The following KANSL2 variants were observed in gnomAD, a reference collection of about 807,000 sequenced individuals.
KANSL2 encodes the protein KAT8 regulatory NSL complex subunit 2, also known as NSL complex protein NSL2.
KANSL2 carries 34 observed loss-of-function variants against 55.6 expected under a neutral mutation model. The ratio of observed to expected loss-of-function variants is 0.61; its 90% CI spans 0.46 to 0.81. KANSL2 has a LOEUF of 0.81. Ranked by LOEUF, KANSL2 falls within the 40% of genes least tolerant of loss-of-function variation. The probability of loss-of-function intolerance (pLI) is 0.00; values close to 1 mark genes in which losing one functional copy is unlikely to be tolerated. For synonymous variants in KANSL2, 209 were observed against 214.3 expected (o/e 0.98, Z 0.22); for missense variants, 502 against 609.9 (o/e 0.82, Z 1.86).
At chr12:48,654,630 C>A in intron 9 of KANSL2, 1 of 519,902 alleles carries the variant, frequency 1.9e-6, no homozygotes, top group Non-Finnish European at 3.7e-6. Context: ...TATGATTTCC[C>A]TAGATTCCTT....
At chr12:48,664,577 C>CTTTTT (rs35805896) in intron 7 of KANSL2, among the ~76,000 whole-genome samples, 3 of 62,070 alleles carry the variant, frequency 4.8e-5, no homozygotes, top group Non-Finnish European at 9.0e-5. Flanking sequence ...CGCACCTGGC[C>CTTTTT]TTTTTTTTTT....
intron 4 of KANSL2, 60 bp from the exon 5 acceptor site, chr12:48,672,022 G>T (rs1365166011): frequency 7.1e-7 from 1 of 1,417,260 alleles, no homozygotes; most frequent in African/African-American, 1.4e-5. Context: ...ACCCAAGTTT[G>T]AAAGAGTAGA....
chr12:48,654,207 T>A (rs1382269029), intron 9 of KANSL2, 32 bp from the exon 10 acceptor site: 1 of 1,579,224 alleles, frequency 6.3e-7, no homozygotes, highest in Non-Finnish European at 8.6e-7. Flanking sequence ...CTTCAGTTAG[T>A]AATTCATTCA....
chr12:48,681,778 T>C (rs1592112057), intron 1 of KANSL2, 137 bp from the exon 2 acceptor site: 1 of 1,047,580 alleles, frequency 9.5e-7, no homozygotes, highest in Non-Finnish European at 1.4e-6. Flanking sequence ...CCCGCCGCCC[T>C]CCCCAAGTCT....
chr12:48,662,567 G>A (rs1035520686), intron 7 of KANSL2: 29 of 1,283,934 alleles, frequency 2.3e-5, no homozygotes, highest in African/African-American at 4.6e-5. Flanking sequence ...TACAACTAGA[G>A]TCTGGGTCCT....
At chr12:48,662,117 T>C (rs2137181209) in intron 7 of KANSL2, among the ~76,000 whole-genome samples, 1 of 152,300 alleles carries the variant, frequency 6.6e-6, no homozygotes, top group East Asian at 1.9e-4. Context: ...AACCAGAAAT[T>C]TTTTTTACAC....
chr12:48,669,019 G>C, intron 6 of KANSL2, 87 bp downstream of exon 6: 1 of 1,073,580 alleles, frequency 9.3e-7, no homozygotes, highest in Non-Finnish European at 1.3e-6. Context: ...ACTCCAGCCC[G>C]AGTGACAGTG....
At chr12:48,673,075 T>TA in intron 4 of KANSL2, among the ~76,000 whole-genome samples, 1 of 152,132 alleles carries the variant, frequency 6.6e-6, no homozygotes, top group East Asian at 1.9e-4. Context: ...TGTAATTGTT[T>TA]AAAAAATATA....
intron 7 of KANSL2, among the ~76,000 whole-genome samples, chr12:48,663,913 CTTTTTTT>C (rs34879709): frequency 8.9e-6 from 1 of 112,550 alleles, no homozygotes; most frequent in South Asian, 3.1e-4. Context: ...AACTATTAGC[CTTTTTTT>C]TTTTTTTTTT....
intron 1 of KANSL2, chr12:48,681,861 GCTGAATGTAT>G: frequency 1.4e-6 from 1 of 705,338 alleles, no homozygotes; most frequent in Non-Finnish European, 2.6e-6. Flanking sequence ...ACCACACCAC[GCTGAATGTAT>G]CTTCAGGACT....
intron 1 of KANSL2, 152 bp downstream of exon 1, chr12:48,682,034 TC>T: frequency 1.4e-6 from 1 of 702,936 alleles, no homozygotes; most frequent in Non-Finnish European, 2.6e-6. Context: ...GTCCTACGGC[TC>T]CAGTCACCGG....
intron 5 of KANSL2, 122 bp from the exon 6 acceptor site, chr12:48,669,394 C>T (rs2137191993): frequency 1.5e-6 from 1 of 671,720 alleles, no homozygotes; most frequent in East Asian, 2.8e-5. Flanking sequence ...GCAAATGACC[C>T]CCAATCCAGG....
chr12:48,661,052 A>G (rs1939477662), intron 7 of KANSL2: 1 of 198,654 alleles, frequency 5.0e-6, no homozygotes, highest in Non-Finnish European at 9.2e-6. Context: ...CAGACTGGCA[A>G]AGTTTGCAAC....
intron 2 of KANSL2, among the ~76,000 whole-genome samples, chr12:48,680,329 CTACA>C (rs1289289191): frequency 6.6e-6 from 1 of 152,038 alleles, no homozygotes; most frequent in Admixed American, 6.6e-5. Context: ...GTAGTGGGGA[CTACA>C]TGTCCACGCC....
chr12:48,682,170 G>C lies in KANSL2; in HGVS notation c.-10+17C>G, dbSNP rs1207908169. 1.4e-6 allele frequency: 1 copy of C among 697,288 alleles called. No homozygotes were observed. Among genetic ancestry groups the C allele is most frequent in the Non-Finnish European group, 2.6e-6 (1 of 381,900 alleles). The allele number at this position is 697,288 out of a possible 1,614,324, so 43.2% of individuals were successfully genotyped here. A position where few individuals can be genotyped will look rare whatever the true frequency, so the allele number is the denominator to read the frequency against. ...CCCAACCGCAAGAGCTTAGAGGAAA[G>C]AGCACCGCCATCTTACCTCAGGAGC... On this transcript the variant is annotated intron_variant, in intron 1 of 9. Coordinates refer to ENST00000420613, the MANE Select transcript of KANSL2 (RefSeq NM_017822.4).
chr12:48,674,992 A>T (rs953703966), intron 4 of KANSL2, among the ~76,000 whole-genome samples: 1 of 148,428 alleles, frequency 6.7e-6, no homozygotes, highest in Non-Finnish European at 1.5e-5. Flanking sequence ...ATAATAAAAT[A>T]AAATTAATAA....
At chr12:48,656,334 C>T (rs940816145) in intron 8 of KANSL2, among the ~76,000 whole-genome samples, 1 of 150,016 alleles carries the variant, frequency 6.7e-6, no homozygotes. Flanking sequence ...AGTGCAGTGA[C>T]GTGATCTCGG....
At chr12:48,676,069 T>C (rs2137201453) in intron 4 of KANSL2, among the ~76,000 whole-genome samples, 2 of 152,276 alleles carry the variant, frequency 1.3e-5, no homozygotes, top group South Asian at 4.1e-4. Context: ...ACCTTAAGGA[T>C]AAAATTTCTT....
intron 5 of KANSL2, among the ~76,000 whole-genome samples, chr12:48,670,618 T>C (rs1939694271): frequency 6.6e-6 from 1 of 152,222 alleles, no homozygotes; most frequent in African/African-American, 2.4e-5. Flanking sequence ...ACAGTGTTTG[T>C]GTTTTAAGCT....
Sources: gnomAD v4.1 joint callset for allele counts (sites outside exome capture counted in the v4.1 genomes callset) on GRCh38, gnomAD v4.1.1 for gene constraint, MANE v1.5 for transcripts, NCBI Gene and HGNC (gene_info 2026-07-23, HGNC 2026-07-21) for gene names.